The following RBM6 variants were observed in gnomAD, a reference collection of about 807,000 sequenced individuals.
RBM6 encodes RNA-binding protein 6.
In RBM6, 23 loss-of-function variants were observed where a neutral mutation model predicts 140.4. That is an observed-to-expected ratio of 0.16 (90% CI 0.12 to 0.23). The LOEUF (loss-of-function observed/expected upper bound fraction) is 0.23. Ranked by LOEUF, RBM6 falls within the 10% of genes least tolerant of loss-of-function variation. The pLI, the probability that RBM6 is intolerant of heterozygous loss-of-function variation, is 1.00. For synonymous variants in RBM6, 439 were observed against 475.6 expected (o/e 0.92, Z 1.00); for missense variants, 1,139 against 1,386.7 (o/e 0.82, Z 2.84).
intron 6 of RBM6, among the ~76,000 whole-genome samples, chr3:50,006,144 C>CTTTTT (rs1169238410): frequency 8.9e-6 from 1 of 112,832 alleles, no homozygotes; most frequent in Non-Finnish European, 1.8e-5. Flanking sequence ...CTGATTGAGA[C>CTTTTT]TTTTTTTTTT....
chr3:50,041,342 C>G (rs191337316), intron 6 of RBM6, among the ~76,000 whole-genome samples: 87 of 152,310 alleles, frequency 5.7e-4, no homozygotes, highest in African/African-American at 1.9e-3. Context: ...AGAAGGCCAA[C>G]AGGCAGAGCT....
At position 50,060,513 on chromosome 3, in the gene RBM6, C is replaced by T. The variant is rs143375865; in HGVS notation, c.2229-443C>T. On this transcript the variant is annotated intron_variant, in intron 11 of 20. Coordinates refer to ENST00000266022, the MANE Select transcript of RBM6 (RefSeq NM_005777.3). ...CTGTAATCTCAGCACCTGGGGAGGC[C>T]GAGGCGGGCAGATCATGAGGTCAGG... Among the ~76,000 whole-genome samples, 1,068 of 151,618 alleles carry T rather than the reference C, an allele frequency of 7.0e-3. 15 individuals are homozygous for T. The highest frequency in any genetic ancestry group is 0.024 in the African/African-American group (1,008 of 41,312).
intron 1 of RBM6, among the ~76,000 whole-genome samples, chr3:49,956,491 C>T (rs1256430063): frequency 6.6e-6 from 1 of 151,026 alleles, no homozygotes; most frequent in Non-Finnish European, 1.5e-5. Context: ...TGCCACCATG[C>T]CTGGCTAATT....
Position 49,975,364 on chromosome 3 carries a change from G to C in RBM6, c.1455G>C (p.Lys485Asn). ...GGACTCCTGATGGCATGCCTGTAAAGAACTTGCAGTTGAAGGAGTATAACA... is the reference window on the plus strand; with the variant it reads ...GGACTCCTGATGGCATGCCTGTAAACAACTTGCAGTTGAAGGAGTATAACA... ...AFRTPDGMPV[K>N]NLQLKEYNTG... Residue 485 changes from lysine to asparagine, a missense_variant, in exon 5 of 21, where the codon AAG becomes AAC. By Grantham distance (94) the Lys-to-Asn change is moderately conservative. Coordinates refer to ENST00000266022, the MANE Select transcript of RBM6 (RefSeq NM_005777.3). The C allele has an allele frequency of 1.2e-6, 2 of 1,613,936 alleles. No individual in the cohort carries two copies. The highest frequency in any genetic ancestry group is 1.7e-6 in the Non-Finnish European group (2 of 1,179,798).
At chr3:50,022,394 G>A (rs539068339) in intron 6 of RBM6, among the ~76,000 whole-genome samples, 9 of 151,442 alleles carry the variant, frequency 5.9e-5, no homozygotes, top group Admixed American at 1.3e-4. Flanking sequence ...GCAATGGTGC[G>A]ATCTCAGCTC....
At chr3:50,035,311 A>G (rs1193124247) in intron 6 of RBM6, among the ~76,000 whole-genome samples, 1 of 152,134 alleles carries the variant, frequency 6.6e-6, no homozygotes, top group Admixed American at 6.6e-5. Flanking sequence ...CAAGTGCACC[A>G]ACACATAGCC....
At chr3:49,989,490 G>A (rs1489404743) in intron 5 of RBM6, among the ~76,000 whole-genome samples, 2 of 152,138 alleles carry the variant, frequency 1.3e-5, no homozygotes, top group African/African-American at 4.8e-5. Context: ...TAGGAGAATC[G>A]CTTGAACCCG....
chr3:50,013,393 G>A (rs1043522798), intron 6 of RBM6, among the ~76,000 whole-genome samples: 4 of 152,036 alleles, frequency 2.6e-5, no homozygotes, highest in Non-Finnish European at 5.9e-5. Flanking sequence ...TGAATAGGCC[G>A]AACGCGGTGG....
rs117218354 is a variant in RBM6, at chr3:49,988,198, G to A, written c.1484-11242G>A. 5.9e-5 allele frequency among the ~76,000 whole-genome samples: 9 copies of A among 152,266 alleles called. No individual in the cohort carries two copies. In the East Asian group the frequency reaches 1.7e-3, roughly 29 times the overall value. On this transcript the variant is annotated intron_variant, in intron 5 of 20. Coordinates refer to ENST00000266022, the MANE Select transcript of RBM6 (RefSeq NM_005777.3). The stretch of plus-strand genomic sequence containing the variant: ...CTTACTCTGTTGCTCAGGCTGGAGT[G>A]TAGTGGCGCAGTCTCTTGTCTCTGC...
chr3:49,954,317 G>A (rs924696564), intron 1 of RBM6, among the ~76,000 whole-genome samples: 7 of 151,856 alleles, frequency 4.6e-5, no homozygotes, highest in African/African-American at 1.5e-4. Context: ...GCACGTGCCT[G>A]TAGTCCCAGC....
At chr3:49,956,591 C>T (rs971014089) in intron 1 of RBM6, among the ~76,000 whole-genome samples, 14 of 151,490 alleles carry the variant, frequency 9.2e-5, no homozygotes, top group Non-Finnish European at 2.9e-5. Flanking sequence ...CTTGGCTTCC[C>T]AAAGTGCTGG....
intron 1 of RBM6, among the ~76,000 whole-genome samples, chr3:49,961,290 C>G (rs932507988): frequency 1.3e-5 from 2 of 152,008 alleles, no homozygotes; most frequent in African/African-American, 4.8e-5. Context: ...GTTGCCTAGG[C>G]TGGTCTCGAA....
At chr3:50,065,627 A>T in intron 16 of RBM6, 1 of 457,054 alleles carries the variant, frequency 2.2e-6, no homozygotes, top group South Asian at 1.5e-5. Context: ...TTCTGATTGA[A>T]TGCAGGTATA....
At chr3:50,054,923 A>T (rs1357425142) in intron 8 of RBM6, among the ~76,000 whole-genome samples, 1 of 152,140 alleles carries the variant, frequency 6.6e-6, no homozygotes, top group African/African-American at 2.4e-5. Flanking sequence ...TCCCAGGTTC[A>T]CGCTGTTCTC....
chr3:50,073,087 T>C (rs565836033), intron 19 of RBM6, among the ~76,000 whole-genome samples: 2 of 152,286 alleles, frequency 1.3e-5, no homozygotes, highest in Admixed American at 1.3e-4. Context: ...CCAAATCTCC[T>C]GTATTATTAT....
At chr3:49,990,392 C>G (rs2085766172) in intron 5 of RBM6, among the ~76,000 whole-genome samples, 2 of 152,164 alleles carry the variant, frequency 1.3e-5, no homozygotes, top group Admixed American at 6.5e-5. Flanking sequence ...GCCACCAAAT[C>G]AACAACAGCT....
rs1559552690 is a variant in RBM6, at chr3:49,984,611, A to ATCGCATCG, written c.1483+9219_1483+9220insTCGCATCG. On this transcript the variant is annotated intron_variant, in intron 5 of 20. Coordinates refer to ENST00000266022, the MANE Select transcript of RBM6 (RefSeq NM_005777.3). ...ACATCACATCACATCACATCACATC[A>ATCGCATCG]CATCGCATCGCATCGCATCGCATCG... 6.0e-3 allele frequency among the ~76,000 whole-genome samples: 516 copies of ATCGCATCG among 86,096 alleles called. 2 individuals are homozygous for ATCGCATCG. Among genetic ancestry groups the ATCGCATCG allele is most frequent in the African/African-American group, 0.013 (242 of 19,294 alleles). 56.5% of individuals were successfully genotyped at this position (86,096 alleles called of 152,430 possible).
chr3:49,959,238 G>A (rs1278080714), intron 1 of RBM6, among the ~76,000 whole-genome samples: 4 of 148,354 alleles, frequency 2.7e-5, no homozygotes, highest in African/African-American at 1.0e-4. Flanking sequence ...GCCCAGGCTG[G>A]AGTGCAGTGG....
At chr3:49,989,559 T>C (rs1393995907) in intron 5 of RBM6, among the ~76,000 whole-genome samples, 1 of 151,796 alleles carries the variant, frequency 6.6e-6, no homozygotes, top group Admixed American at 6.6e-5. Context: ...GCCACAAGAG[T>C]GAAACTGTCT....
Sources: gnomAD v4.1 joint callset for allele counts (sites outside exome capture counted in the v4.1 genomes callset) on GRCh38, gnomAD v4.1.1 for gene constraint, MANE v1.5 for transcripts, NCBI Gene and HGNC (gene_info 2026-07-23, HGNC 2026-07-21) for gene names.